The following SPAG16 variants were observed in gnomAD, a reference collection of about 807,000 sequenced individuals.
SPAG16 encodes the protein sperm associated antigen 16.
A neutral mutation model predicts 80.4 loss-of-function variants in SPAG16; 86 were observed. That is an observed-to-expected ratio of 1.07 (90% CI 0.90 to 1.28). SPAG16 has a LOEUF of 1.28. SPAG16 is among the 50% of genes most tolerant of loss of function. The pLI is 0.00. For missense variants in SPAG16, 870 were observed against 765.3 expected, an observed-to-expected ratio of 1.14 and a Z score of -1.61; for synonymous variants, 294 against 265.9, an observed-to-expected ratio of 1.11 and a Z score of -1.03.
chr2:213,977,152 T>C (rs1048715113), intron 12 of SPAG16, among the ~76,000 whole-genome samples: 2 of 152,018 alleles, frequency 1.3e-5, no homozygotes, highest in African/African-American at 4.8e-5. Context: ...TGAATAAAAC[T>C]GAGGTGAGAT....
At chr2:213,547,144 C>A (rs1319867490) in intron 10 of SPAG16, among the ~76,000 whole-genome samples, 2 of 152,004 alleles carry the variant, frequency 1.3e-5, no homozygotes, top group Non-Finnish European at 2.9e-5. Context: ...TTTAAAAAAT[C>A]ATTATCAGAA....
At position 213,458,679 on chromosome 2, in the gene SPAG16, G is replaced by T. The variant is rs557231708; in HGVS notation, c.943-31284G>T. On this transcript the variant is annotated intron_variant, in intron 9 of 15. Transcript: ENST00000331683. Reference sequence around the variant, plus strand: ...CATTTTTGAAATATATTTTCACTGTGTACACAGTTGTATATTGGTAAATAT... The same window carrying T: ...CATTTTTGAAATATATTTTCACTGTTTACACAGTTGTATATTGGTAAATAT... Among the ~76,000 whole-genome samples, 7 of 152,220 alleles carry T rather than the reference G, an allele frequency of 4.6e-5. No individual in the cohort carries two copies. The South Asian group carries it at 1.2e-3, about 27-fold the overall frequency.
chr2:213,722,212 G>A (rs886218930), intron 10 of SPAG16, among the ~76,000 whole-genome samples: 6 of 152,192 alleles, frequency 3.9e-5, no homozygotes, highest in Non-Finnish European at 5.9e-5. Context: ...TGAAAGAGAC[G>A]TTAACTCAAA....
intron 10 of SPAG16, among the ~76,000 whole-genome samples, chr2:213,547,095 TCATTTA>T (rs1361232356): frequency 6.6e-6 from 1 of 152,050 alleles, no homozygotes; most frequent in Non-Finnish European, 1.5e-5. Flanking sequence ...AAACTAAATA[TCATTTA>T]CTTTTTCTAT....
chr2:213,655,130 A>C (rs77343339), intron 10 of SPAG16, among the ~76,000 whole-genome samples: 9,069 of 152,260 alleles, frequency 0.06, 891 homozygotes, highest in African/African-American at 0.2. Context: ...GTGAACTTTG[A>C]TGATAATGAT....
intron 15 of SPAG16, among the ~76,000 whole-genome samples, chr2:214,296,179 C>A (rs1694118011): frequency 6.6e-6 from 1 of 152,098 alleles, no homozygotes; most frequent in Non-Finnish European, 1.5e-5. Context: ...TGAGTTATTT[C>A]ACTTAGAATA....
At chr2:213,762,811 A>G (rs558432244) in intron 10 of SPAG16, among the ~76,000 whole-genome samples, 187 of 152,340 alleles carry the variant, frequency 1.2e-3, no homozygotes, top group Admixed American at 2.5e-3. Context: ...AAGCTTCTGT[A>G]CAACAAAGGA....
intron 14 of SPAG16, among the ~76,000 whole-genome samples, 189 bp from the exon 15 acceptor site, chr2:214,148,951 C>A (rs1438633365): frequency 1.3e-5 from 2 of 151,226 alleles, no homozygotes; most frequent in African/African-American, 4.9e-5. Flanking sequence ...ACAACTATTT[C>A]TTAGTTTAGA....
intron 10 of SPAG16, among the ~76,000 whole-genome samples, chr2:213,584,927 G>A (rs530428320): frequency 1.3e-4 from 20 of 152,244 alleles, no homozygotes; most frequent in East Asian, 9.7e-4. Context: ...GGTGGCTCAC[G>A]CCAGTAATCC....
chr2:213,323,593 A>G (rs191822999), intron 5 of SPAG16, among the ~76,000 whole-genome samples: 55 of 152,344 alleles, frequency 3.6e-4, no homozygotes, highest in South Asian at 4.1e-4. Context: ...TCAAACTACC[A>G]TATGATCAAG....
intron 10 of SPAG16, among the ~76,000 whole-genome samples, chr2:213,795,770 C>T (rs1196665382): frequency 6.6e-6 from 1 of 152,140 alleles, no homozygotes; most frequent in African/African-American, 2.4e-5. Context: ...GCATCTTTCC[C>T]CTCTGTCTTG....
intron 10 of SPAG16, among the ~76,000 whole-genome samples, chr2:213,652,411 T>C (rs773880609): frequency 6.6e-6 from 1 of 152,160 alleles, no homozygotes; most frequent in Admixed American, 6.5e-5. Flanking sequence ...TAAAATGTGG[T>C]AATCATGTAT....
Position 213,380,864 on chromosome 2 carries a change from C to T in SPAG16, c.942+5745C>T, listed in dbSNP as rs115457306. ...CAGAGCGTTCTCCTGTTCTGGACCTCACTCAAAACTGGCAGCCCTTCGGGT... is the reference window on the plus strand; with the variant it reads ...CAGAGCGTTCTCCTGTTCTGGACCTTACTCAAAACTGGCAGCCCTTCGGGT... On this transcript the variant is annotated intron_variant, in intron 9 of 15. Transcript: ENST00000331683. Among the ~76,000 whole-genome samples, 442 of 152,294 alleles carry T rather than the reference C, an allele frequency of 2.9e-3. 3 individuals carry two copies. Among genetic ancestry groups the T allele is most frequent in the Non-Finnish European group, 4.9e-3 (331 of 68,020 alleles).
chr2:213,645,415 C>T (rs759111868), intron 10 of SPAG16, among the ~76,000 whole-genome samples: 1 of 152,148 alleles, frequency 6.6e-6, no homozygotes, highest in African/African-American at 2.4e-5. Context: ...GATGCAGTAC[C>T]TGGGTATCGC....
chr2:214,041,978 G>GTGTA (rs1410396491), intron 13 of SPAG16, among the ~76,000 whole-genome samples: 3,040 of 116,028 alleles, frequency 0.026, 62 homozygotes, highest in East Asian at 0.096. Flanking sequence ...GTCTGTGTGT[G>GTGTA]TATATATATA....
At chr2:213,322,075 AAAATAAAT>A (rs1164791722) in intron 5 of SPAG16, among the ~76,000 whole-genome samples, 1 of 150,722 alleles carries the variant, frequency 6.6e-6, no homozygotes, top group East Asian at 1.9e-4. Context: ...AAGTATAATA[AAAATAAAT>A]AAATAAATAA....
chr2:213,645,306 T>G (rs533795629), intron 10 of SPAG16, among the ~76,000 whole-genome samples: 1 of 152,058 alleles, frequency 6.6e-6, no homozygotes, highest in African/African-American at 2.4e-5. Flanking sequence ...AGTCAGGTCC[T>G]GGAATTAGGG....
chr2:213,575,454 A>G (rs540346423), intron 10 of SPAG16, among the ~76,000 whole-genome samples: 17 of 152,172 alleles, frequency 1.1e-4, no homozygotes, highest in African/African-American at 3.9e-4. Context: ...TTTGAGATCT[A>G]TTGTCTTATC....
chr2:214,237,415 T>C (rs1458582173), intron 15 of SPAG16, among the ~76,000 whole-genome samples: 1 of 152,156 alleles, frequency 6.6e-6, no homozygotes, highest in Non-Finnish European at 1.5e-5. Context: ...TGATCTACGC[T>C]CATGGAGAAT....
Sources: gnomAD v4.1 joint callset for allele counts (sites outside exome capture counted in the v4.1 genomes callset) on GRCh38, gnomAD v4.1.1 for gene constraint, MANE v1.5 for transcripts, NCBI Gene and HGNC (gene_info 2026-07-23, HGNC 2026-07-21) for gene names.